The following GPR149 variants were observed in gnomAD, a reference collection of about 807,000 sequenced individuals.
GPR149 encodes G protein-coupled receptor 149, also known as probable G protein-coupled receptor 149.
Under a neutral mutation model 50.2 loss-of-function variants are expected in GPR149, and 50 were observed. The ratio of observed to expected loss-of-function variants is 1.00; its 90% CI spans 0.79 to 1.26. GPR149 has a LOEUF of 1.26. Among genes scored for constraint, GPR149 ranks in the 50% most tolerant of loss-of-function variants. The pLI is 0.00. For missense variants in GPR149, 983 were observed against 895.4 expected, an observed-to-expected ratio of 1.10 and a Z score of -1.25; for synonymous variants, 405 against 358.2, an observed-to-expected ratio of 1.13 and a Z score of -1.48.
At chr3:154,340,910 C>G (rs1713776595) in intron 3 of GPR149, among the ~76,000 whole-genome samples, 2 of 152,086 alleles carry the variant, frequency 1.3e-5, no homozygotes, top group African/African-American at 2.4e-5. Context: ...TTAGTAGAGA[C>G]AGGGTTTCAC....
At chr3:154,363,799 C>A (rs1246147176) in intron 3 of GPR149, among the ~76,000 whole-genome samples, 1 of 152,150 alleles carries the variant, frequency 6.6e-6, no homozygotes, top group Non-Finnish European at 1.5e-5. Flanking sequence ...GACAAATCAG[C>A]GTGCATTCCC....
rs116318007 is a variant in GPR149, at chr3:154,355,344, G to T, written c.1624-17073C>A. On this transcript the variant is annotated intron_variant, in intron 3 of 3. Coordinates refer to ENST00000389740, the MANE Select transcript of GPR149 (RefSeq NM_001038705.3). ...CCCGGCCACTTCATTTCTTATTATG[G>T]AAATTTGTATTCTCATATTTTCAAT... is the stretch of plus-strand genomic sequence containing the variant. Among the ~76,000 whole-genome samples, 1,222 of 152,246 alleles carry T rather than the reference G, an allele frequency of 8.0e-3. 20 individuals are homozygous for T. Among genetic ancestry groups the T allele is most frequent in the African/African-American group, 0.028 (1,169 of 41,552 alleles).
chr3:154,402,060 A>G (rs1051893463), intron 3 of GPR149, among the ~76,000 whole-genome samples: 8 of 152,312 alleles, frequency 5.3e-5, no homozygotes, highest in Non-Finnish European at 1.2e-4. Flanking sequence ...AAGCACTAAG[A>G]AAGTATTTGT....
chr3:154,403,478 G>A (rs1711599306), intron 3 of GPR149, among the ~76,000 whole-genome samples: 1 of 152,070 alleles, frequency 6.6e-6, no homozygotes, highest in Admixed American at 6.6e-5. Context: ...CTTTAGTTTT[G>A]TTCTGTTCTT....
intron 3 of GPR149, among the ~76,000 whole-genome samples, chr3:154,402,797 G>T (rs1000423384): frequency 1.3e-5 from 2 of 152,132 alleles, no homozygotes; most frequent in Admixed American, 1.3e-4. Context: ...TCACATACAT[G>T]CCTGTGTGGA....
chr3:154,421,243 G>A lies in GPR149; in HGVS notation c.1419C>T (p.Cys473=), dbSNP rs765402070. The A allele has an allele frequency of 2.5e-6, 4 of 1,613,340 alleles. No homozygotes were observed. The highest frequency in any genetic ancestry group is 3.3e-5 in the Admixed American group (2 of 59,892). The part of the protein sequence containing the change: ...DSSTQRGINK[C]TNTDITEAKQ... ...TAGCTTCTGTAATATCAGTATTTGT[G>A]CATTTGTTGATGCCTCTTTGTGTGG... The change falls in exon 3 of 4, where the codon TGC becomes TGT. Residue 473 remains cysteine, a synonymous_variant. Coordinates refer to ENST00000389740, the MANE Select transcript of GPR149 (RefSeq NM_001038705.3).
At chr3:154,400,004 T>G (rs1164652231) in intron 3 of GPR149, among the ~76,000 whole-genome samples, 1 of 152,212 alleles carries the variant, frequency 6.6e-6, no homozygotes, top group African/African-American at 2.4e-5. Context: ...ATTATTATTT[T>G]GAGACGGAGT....
At chr3:154,409,927 C>T (rs892071493) in intron 3 of GPR149, among the ~76,000 whole-genome samples, 2 of 152,130 alleles carry the variant, frequency 1.3e-5, no homozygotes, top group Admixed American at 1.3e-4. Context: ...GGAACATAGT[C>T]ATCAGGTTAC....
chr3:154,370,843 G>A (rs1408297343), intron 3 of GPR149, among the ~76,000 whole-genome samples: 1 of 152,198 alleles, frequency 6.6e-6, no homozygotes, highest in Non-Finnish European at 1.5e-5. Flanking sequence ...CTGCCATTAG[G>A]AGACTTTGTT....
intron 3 of GPR149, among the ~76,000 whole-genome samples, chr3:154,359,506 T>C (rs1714328529): frequency 6.6e-6 from 1 of 152,198 alleles, no homozygotes; most frequent in South Asian, 2.1e-4. Flanking sequence ...ACTGGTATTG[T>C]TGACCAACAG....
At chr3:154,399,690 C>T (rs1343169584) in intron 3 of GPR149, among the ~76,000 whole-genome samples, 1 of 152,180 alleles carries the variant, frequency 6.6e-6, no homozygotes, top group Non-Finnish European at 1.5e-5. Flanking sequence ...TCATTTAAAA[C>T]TGTTAGAAGT....
intron 3 of GPR149, among the ~76,000 whole-genome samples, chr3:154,374,686 G>A (rs1010345043): frequency 2.0e-5 from 3 of 151,970 alleles, no homozygotes; most frequent in Non-Finnish European, 4.4e-5. Flanking sequence ...GGGTCCAAAG[G>A]GCATATATAT....
chr3:154,339,657 T>G (rs34312506), intron 3 of GPR149, among the ~76,000 whole-genome samples: 5,353 of 152,206 alleles, frequency 0.035, 319 homozygotes, highest in African/African-American at 0.12. Context: ...ATTTTCAATC[T>G]GGACCCAACA....
rs1712437263 is a variant in GPR149, at chr3:154,429,871, C to A, written c.-256G>T. Among the ~76,000 whole-genome samples, 1 of 147,628 alleles carries A rather than the reference C, an allele frequency of 6.8e-6. No individual in the cohort carries two copies. Among genetic ancestry groups the A allele is most frequent in the East Asian group, 2.0e-4 (1 of 5,086 alleles). On this transcript the variant is annotated 5_prime_UTR_variant, in exon 1 of 4. Transcript: ENST00000389740. ...AACTTTTCAACATTCCAATTAAAAA[C>A]AAAGCAAAAACTCCTTCCCACCATC...
chr3:154,377,253 G>A (rs1261970347), intron 3 of GPR149, among the ~76,000 whole-genome samples: 1 of 151,184 alleles, frequency 6.6e-6, no homozygotes, highest in Non-Finnish European at 1.5e-5. Flanking sequence ...GGGATTTTAG[G>A]CAAAGGATGT....
chr3:154,362,596 G>T (rs1207428308), intron 3 of GPR149, among the ~76,000 whole-genome samples: 1 of 152,178 alleles, frequency 6.6e-6, no homozygotes, highest in African/African-American at 2.4e-5. Context: ...GCTGATTATT[G>T]TTGAAAGTGG....
In GPR149 at chr3:154,350,473, T is replaced by C. The variant is rs549913145; in HGVS notation, c.1624-12202A>G. ...TTGCTAAAAAGGTTAAAGATTTAGA[T>C]GTAAATCTTATGAAACATGTATAGG... On this transcript the variant is annotated intron_variant, in intron 3 of 3. Coordinates refer to ENST00000389740, the MANE Select transcript of GPR149 (RefSeq NM_001038705.3). 3.9e-5 allele frequency among the ~76,000 whole-genome samples: 6 copies of C among 152,300 alleles called. No individual in the cohort carries two copies. The South Asian group carries it at 1.2e-3, about 32-fold the overall frequency.
Position 154,429,128 on chromosome 3 carries a change from A to G in GPR149, c.488T>C (p.Leu163Pro). Residue 163 changes from leucine to proline, a missense_variant, in exon 1 of 4, where the codon CTG becomes CCG. Coordinates refer to ENST00000389740, the MANE Select transcript of GPR149 (RefSeq NM_001038705.3). ...GCCGCACAGCGGGAGCGCCGAGAGCAGCAGACTGGCTGCCCACACGGTCAG... is the reference window on the plus strand; with the variant it reads ...GCCGCACAGCGGGAGCGCCGAGAGCGGCAGACTGGCTGCCCACACGGTCAG... Reference protein sequence around the residue: ...VVLTVWAASLLLSALPLCGWG... With the variant: ...VVLTVWAASLPLSALPLCGWG... The G allele has an allele frequency of 1.2e-6, 2 of 1,613,652 alleles. No homozygotes were observed. The highest frequency in any genetic ancestry group is 1.7e-6 in the Non-Finnish European group (2 of 1,179,936).
intron 3 of GPR149, among the ~76,000 whole-genome samples, chr3:154,390,190 A>C (rs1715138331): frequency 6.6e-6 from 1 of 152,176 alleles, no homozygotes; most frequent in African/African-American, 2.4e-5. Flanking sequence ...CAAAGAGTCG[A>C]GAATAAAGAA....
Sources: allele counts gnomAD v4.1 joint callset (sites outside exome capture counted in the v4.1 genomes callset), GRCh38; gene constraint gnomAD v4.1.1; transcripts MANE v1.5; gene names NCBI Gene and HGNC (gene_info 2026-07-23, HGNC 2026-07-21).